Variants in CACNA1E observed in about 807,000 individuals in gnomAD.
The protein encoded by CACNA1E is voltage-dependent R-type calcium channel subunit alpha-1E.
A neutral mutation model predicts 259.2 loss-of-function variants in CACNA1E; 40 were observed. The ratio of observed to expected loss-of-function variants is 0.15; its 90% CI spans 0.12 to 0.20. The LOEUF is 0.20. Among genes scored for constraint, CACNA1E ranks in the 10% least tolerant of loss-of-function variants. The pLI is 1.00. For missense variants in CACNA1E, 1,874 were observed against 3,040.1 expected, an observed-to-expected ratio of 0.62 and a Z score of 9.02; for synonymous variants, 1,104 against 1,138.5, an observed-to-expected ratio of 0.97 and a Z score of 0.61.
chr1:181,646,966 C>T (rs1463268890), intron 6 of CACNA1E, among the ~76,000 whole-genome samples: 1 of 152,216 alleles, frequency 6.6e-6, no homozygotes, highest in Non-Finnish European at 1.5e-5. Context: ...CTGTCATCAC[C>T]CTCGTCGTGC....
At chr1:181,676,295 ATATCCCTTGG>A (rs947279023) in intron 7 of CACNA1E, among the ~76,000 whole-genome samples, 4 of 152,200 alleles carry the variant, frequency 2.6e-5, no homozygotes, top group Non-Finnish European at 5.9e-5. Context: ...TTTAATGAAG[ATATCCCTTGG>A]TATCCCTTGT....
chr1:181,649,359 C>T (rs543754062), intron 6 of CACNA1E, among the ~76,000 whole-genome samples: 1 of 151,894 alleles, frequency 6.6e-6, no homozygotes, highest in South Asian at 2.1e-4. Context: ...GCAATTATCT[C>T]TCTCTGAATA....
At chr1:181,742,203 G>T (rs899589311) in intron 25 of CACNA1E, among the ~76,000 whole-genome samples, 1 of 152,104 alleles carries the variant, frequency 6.6e-6, no homozygotes, top group African/African-American at 2.4e-5. Flanking sequence ...TCGTACCAGA[G>T]AATTCAGCTC....
intron 6 of CACNA1E, among the ~76,000 whole-genome samples, chr1:181,589,248 A>T (rs983400411): frequency 1.3e-5 from 2 of 152,218 alleles, no homozygotes; most frequent in Non-Finnish European, 2.9e-5. Flanking sequence ...AGGCAGTAAG[A>T]GGGTGACATG....
intron 7 of CACNA1E, among the ~76,000 whole-genome samples, chr1:181,688,857 A>G (rs1398400843): frequency 2.0e-5 from 3 of 152,158 alleles, no homozygotes; most frequent in Non-Finnish European, 4.4e-5. Context: ...CCTTGCTTCT[A>G]TGAGTTCTAC....
rs992534372 is a variant in CACNA1E at position 181,363,159 on chromosome 1, T to C, written c.-15+45036T>C. On this transcript the variant is annotated intron_variant, in intron 1 of 11. Transcript: ENST00000524607. The stretch of plus-strand genomic sequence containing the variant: ...TTGTGCCTAGTCTGGTGCTGAAGGT[T>C]ATAAAGAAGCCTAAAATCTCATCCC... 3.3e-5 allele frequency among the ~76,000 whole-genome samples: 5 copies of C among 152,148 alleles called. No individual in the cohort carries two copies. The South Asian group carries it at 1.0e-3, about 31-fold the overall frequency.
At chr1:181,616,668 C>T (rs1406031215) in intron 6 of CACNA1E, among the ~76,000 whole-genome samples, 1 of 151,876 alleles carries the variant, frequency 6.6e-6, no homozygotes, top group Non-Finnish European at 1.5e-5. Context: ...GAGCTGAGAT[C>T]GCACCACTGC....
chr1:181,403,139 G>A (rs1370761417), intron 1 of CACNA1E, among the ~76,000 whole-genome samples: 4 of 151,930 alleles, frequency 2.6e-5, no homozygotes, highest in Non-Finnish European at 4.4e-5. Context: ...TCCTAACCTC[G>A]GGAAAATTAT....
At chr1:181,765,746 A>G (rs1291664883) in intron 34 of CACNA1E, among the ~76,000 whole-genome samples, 3 of 152,222 alleles carry the variant, frequency 2.0e-5, no homozygotes, top group African/African-American at 7.2e-5. Flanking sequence ...GGCAGCGCTG[A>G]GATCAACGCA....
At chr1:181,595,517 G>A (rs9725413) in intron 6 of CACNA1E, among the ~76,000 whole-genome samples, 1 of 152,114 alleles carries the variant, frequency 6.6e-6, no homozygotes, top group Non-Finnish European at 1.5e-5. Context: ...TTTTCAGCAG[G>A]CCTGTATCTC....
chr1:181,781,601 G>A (rs1660437193), intron 39 of CACNA1E, 78 bp downstream of exon 39: 2 of 782,300 alleles, frequency 2.6e-6, no homozygotes, highest in Non-Finnish European at 4.4e-6. Flanking sequence ...CAGAACATGG[G>A]GAGGAAGCCA....
In CACNA1E at chr1:181,795,767, A is replaced by AAT. The variant is rs72040839; in HGVS notation, c.6208+742_6208+743dup. Among the ~76,000 whole-genome samples the AAT allele has an allele frequency of 7.2e-3, 811 of 113,200 alleles. 44 individuals carry two copies. Among genetic ancestry groups the AAT allele is most frequent in the African/African-American group, 0.011 (377 of 32,966 alleles). 74.3% of individuals were successfully genotyped at this position (113,200 alleles called of 152,430 possible). A position where few individuals can be genotyped will look rare whatever the true frequency, so the allele number is the denominator to read the frequency against. On this transcript the variant is annotated intron_variant, in intron 46 of 47. Coordinates refer to ENST00000367573, the MANE Select transcript of CACNA1E (RefSeq NM_001205293.3). Reference sequence around the variant, plus strand: ...AATTTCTTTTAAGCTTTTTGCTTTAAATATATATATATATATATATTAGTC... The same window carrying AAT: ...AATTTCTTTTAAGCTTTTTGCTTTAAATATATATATATATATATATATTAGTC...
intron 1 of CACNA1E, among the ~76,000 whole-genome samples, chr1:181,395,176 G>A (rs1472390170): frequency 2.0e-5 from 3 of 152,170 alleles, no homozygotes; most frequent in Non-Finnish European, 4.4e-5. Flanking sequence ...AGTGGATGGT[G>A]AGAAGTGACT....
At chr1:181,353,956 T>A (rs901283614) in intron 1 of CACNA1E, among the ~76,000 whole-genome samples, 4 of 152,228 alleles carry the variant, frequency 2.6e-5, no homozygotes, top group African/African-American at 9.6e-5. Flanking sequence ...CATACTGGGT[T>A]GCTAAAAATA....
intron 3 of CACNA1E, among the ~76,000 whole-genome samples, chr1:181,526,412 A>T (rs938435941): frequency 3.5e-5 from 5 of 143,000 alleles, no homozygotes; most frequent in Admixed American, 1.4e-4. Context: ...CATGGTCTGA[A>T]TTTTTTTTTT....
At chr1:181,772,946 T>G (rs1659650069) in intron 37 of CACNA1E, among the ~76,000 whole-genome samples, 2 of 152,016 alleles carry the variant, frequency 1.3e-5, no homozygotes, top group South Asian at 4.1e-4. Flanking sequence ...TTCCAGAAAC[T>G]TCTACCCTGC....
chr1:181,612,617 C>T (rs1654851281), intron 6 of CACNA1E, among the ~76,000 whole-genome samples: 1 of 152,170 alleles, frequency 6.6e-6, no homozygotes, highest in Non-Finnish European at 1.5e-5. Flanking sequence ...GATGCCATTC[C>T]TTTTCCAGTT....
intron 3 of CACNA1E, among the ~76,000 whole-genome samples, chr1:181,547,588 C>G (rs1028817448): frequency 9.9e-5 from 15 of 152,226 alleles, no homozygotes; most frequent in Non-Finnish European, 1.9e-4. Context: ...ACCTCTCACT[C>G]CTAGTCCAGC....
At chr1:181,618,015 C>T (rs1655381019) in intron 6 of CACNA1E, among the ~76,000 whole-genome samples, 1 of 152,074 alleles carries the variant, frequency 6.6e-6, no homozygotes, top group Non-Finnish European at 1.5e-5. Context: ...ATGGCTTTTT[C>T]CCCCTGCCTT....
Sources: allele counts gnomAD v4.1 joint callset (sites outside exome capture counted in the v4.1 genomes callset), GRCh38; gene constraint gnomAD v4.1.1; transcripts MANE v1.5; gene names NCBI Gene and HGNC (gene_info 2026-07-23, HGNC 2026-07-21).